Variants in PCDHB9 observed in about 807,000 individuals in gnomAD.
The protein encoded by PCDHB9 is protocadherin beta 9.
For missense variants in PCDHB9, 1,072 were observed against 995.1 expected (o/e 1.08, Z -1.04); for synonymous variants, 501 against 439.7 (o/e 1.14, Z -1.75).
At position 141,188,140 on chromosome 5, in the gene PCDHB9, T is replaced by C. The variant is rs782191288; in HGVS notation, c.822T>C (p.Asn274=). ...CAGGAGATGCAGACTCAGGAGTCAATGCAGAAGTATCCTATTCATTTTTTG... is the reference window on the plus strand; with the variant it reads ...CAGGAGATGCAGACTCAGGAGTCAACGCAGAAGTATCCTATTCATTTTTTG... ...VSAGDADSGV[N]AEVSYSFFDA... The change falls in exon 1 of 1, where the codon AAT becomes AAC. Residue 274 remains asparagine, a synonymous_variant. Coordinates refer to ENST00000316105, the MANE Select transcript of PCDHB9 (RefSeq NM_019119.5). The C allele has an allele frequency of 2.5e-5, 41 of 1,611,978 alleles. No individual in the cohort carries two copies. The highest frequency in any genetic ancestry group is 5.3e-5 in the African/African-American group (4 of 74,880).
chr5:141,189,734 C>T lies in PCDHB9; in HGVS notation c.*22C>T. ...TTGAAAGGAACCCACTTAATAAAGACATTTACTTCTTTAATATATTCTTGT... is the reference window on the plus strand; with the variant it reads ...TTGAAAGGAACCCACTTAATAAAGATATTTACTTCTTTAATATATTCTTGT... On this transcript the variant is annotated 3_prime_UTR_variant, in exon 1 of 1. Transcript: ENST00000316105. 6.6e-7 allele frequency: 1 copy of T among 1,525,134 alleles called. No individual in the cohort carries two copies. The highest frequency in any genetic ancestry group is 8.8e-7 in the Non-Finnish European group (1 of 1,130,722). The allele number at this position is 1,525,134 out of a possible 1,614,324, so 94.5% of individuals were successfully genotyped here.
rs782089095 is a variant in PCDHB9 at position 141,187,823 on chromosome 5, A to G, written c.505A>G (p.Asn169Asp). 2 of 1,614,188 alleles carry G rather than the reference A, an allele frequency of 1.2e-6. No homozygotes were observed. Among genetic ancestry groups the G allele is most frequent in the Non-Finnish European group, 1.7e-6 (2 of 1,180,040 alleles). The change falls in exon 1 of 1, where the codon AAC becomes GAC. Residue 169 changes from asparagine to aspartate, a missense_variant. Transcript: ENST00000316105. ...AGATGAAGGTCATAACAGTATCCAA[A>G]ACTACACGATCAGCTCCAACTCTTT... ...DPDEGHNSIQNYTISSNSFFH... is the reference protein window; with the variant it reads ...DPDEGHNSIQDYTISSNSFFH...
chr5:141,188,886 C>T lies in PCDHB9; in HGVS notation c.1568C>T (p.Ala523Val), dbSNP rs781958249. The change falls in exon 1 of 1, where the codon GCC becomes GTC. Residue 523 changes from alanine to valine, a missense_variant. By Grantham distance (64) the Ala-to-Val change is moderately conservative (BLOSUM62 0). Transcript: ENST00000316105. ...GCCCTCAGGTCGCTGGACTACGAGG[C>T]CCTGCAGGCTTTCGACTTCCGCGTG... ...LFALRSLDYE[A>V]LQAFDFRVGA... 3.1e-6 allele frequency: 5 copies of T among 1,612,608 alleles called. No homozygotes were observed. The highest frequency in any genetic ancestry group is 4.5e-5 in the East Asian group (2 of 44,876).
At position 141,188,680 on chromosome 5, in the gene PCDHB9, C is replaced by G. The variant is rs782815281; in HGVS notation, c.1362C>G (p.Thr454=). ...VNDNAPAFTQ[T]SYTLFVRENN... ...ACAACGCCCCCGCCTTCACCCAAAC[C>G]TCCTACACCCTGTTCGTCCGGGAGA... The change falls in exon 1 of 1, where the codon ACC becomes ACG. Residue 454 remains threonine, a synonymous_variant. Transcript: ENST00000316105. 10 of 1,613,982 alleles carry G rather than the reference C, an allele frequency of 6.2e-6. No individual in the cohort carries two copies. The East Asian group carries it at 1.8e-4, about 29-fold the overall frequency.
At position 141,190,239 on chromosome 5, in the gene PCDHB9, C is replaced by T. The variant is rs1467856765; in HGVS notation, c.*527C>T. 1.4e-5 allele frequency: 2 copies of T among 145,650 alleles called. No individual in the cohort carries two copies. The highest frequency in any genetic ancestry group is 5.2e-5 in the African/African-American group (2 of 38,202). 9.0% of individuals were successfully genotyped at this position (145,650 alleles called of 1,614,324 possible). On this transcript the variant is annotated 3_prime_UTR_variant, in exon 1 of 1. Coordinates refer to ENST00000316105, the MANE Select transcript of PCDHB9 (RefSeq NM_019119.5). The stretch of plus-strand genomic sequence containing the variant: ...TGTCGCCCAGGCTGGAGTGCAGTGG[C>T]GCGATCTCAGCTCACTGCAACCTCC...
rs376736236 is a variant in PCDHB9, at chr5:141,187,649, G to T, written c.331G>T (p.Asp111Tyr). Residue 111 changes from aspartate to tyrosine, a missense_variant, in exon 1 of 1, where the codon GAT (aspartate) becomes TAT (tyrosine). Transcript: ENST00000316105. ...TATGCTGTATTTCCAAATTTTAATG[G>T]ATGATCCCTTTCAGATTTACCGGGC... Reference protein sequence around the residue: ...PCMLYFQILMDDPFQIYRAEL... With the variant: ...PCMLYFQILMYDPFQIYRAEL... 6.2e-6 allele frequency: 10 copies of T among 1,613,984 alleles called. No homozygotes were observed. The highest frequency in any genetic ancestry group is 8.5e-6 in the Non-Finnish European group (10 of 1,179,980).
rs1334308831 is a variant in PCDHB9, at chr5:141,187,739, A to C, written c.421A>C (p.Lys141Gln). 1.2e-6 allele frequency: 2 copies of C among 1,614,086 alleles called. 1 individual carries two copies. The highest frequency in any genetic ancestry group is 1.7e-6 in the Non-Finnish European group (2 of 1,180,046). The change falls in exon 1 of 1, where the codon AAA becomes CAA. Residue 141 changes from lysine (K) to glutamine (Q), a missense_variant. Lys to Gln is a moderately conservative substitution (Grantham distance 53). Transcript: ENST00000316105. ...GTTTCGGCACAAAGAGATGGTCTTA[A>C]AAATATCAGAAAATACAGCTGAAGG... ...PVFRHKEMVLKISENTAEGTA... is the reference protein window; with the variant it reads ...PVFRHKEMVLQISENTAEGTA...
Position 141,191,312 on chromosome 5 carries a change from A to G in PCDHB9, c.*1600A>G, listed in dbSNP as rs1164452428. On this transcript the variant is annotated 3_prime_UTR_variant, in exon 1 of 1. Coordinates refer to ENST00000316105, the MANE Select transcript of PCDHB9 (RefSeq NM_019119.5). ...AAAGAACTTTGAATAAAATTCTATG[A>G]AAAAAGACACTAGAATGCTGTTCTT... 1 of 152,262 alleles carries G rather than the reference A, an allele frequency of 6.6e-6. No homozygotes were observed. The highest frequency in any genetic ancestry group is 1.5e-5 in the Non-Finnish European group (1 of 68,026). 9.4% of individuals were successfully genotyped at this position (152,262 alleles called of 1,614,324 possible).
rs1446724675 is a variant in PCDHB9, at chr5:141,188,514, A to G, written c.1196A>G (p.Asn399Ser). The G allele has an allele frequency of 1.2e-6, 2 of 1,614,024 alleles. No homozygotes were observed. The highest frequency in any genetic ancestry group is 1.7e-6 in the Non-Finnish European group (2 of 1,180,030). Residue 399 changes from asparagine (N) to serine (S), a missense_variant, in exon 1 of 1, where the codon AAT becomes AGT. By Grantham distance (46) the Asn-to-Ser change is conservative. Coordinates refer to ENST00000316105, the MANE Select transcript of PCDHB9 (RefSeq NM_019119.5). Reference sequence around the variant, plus strand: ...TTTTTTCTGAAACCGTCTGTTGACAATTTTTACATCCTAATGACTGAAGGT... The same window carrying G: ...TTTTTTCTGAAACCGTCTGTTGACAGTTTTTACATCCTAATGACTGAAGGT... ...LPFFLKPSVDNFYILMTEGAL... is the reference protein window; with the variant it reads ...LPFFLKPSVDSFYILMTEGAL...
Position 141,187,924 on chromosome 5 carries a change from G to C in PCDHB9, c.606G>C (p.Arg202=), listed in dbSNP as rs1242059693. 1 of 1,614,154 alleles carries C rather than the reference G, an allele frequency of 6.2e-7. No homozygotes were observed. Among genetic ancestry groups the C allele is most frequent in the Non-Finnish European group, 8.5e-7 (1 of 1,180,040 alleles). ...PELVLDKALD[R]EEQEELSLTL... is the part of the protein sequence containing the mutation. Reference sequence around the variant, plus strand: ...TAGTGTTGGACAAAGCACTGGATCGGGAGGAGCAGGAAGAGCTCAGCTTAA... The same window carrying C: ...TAGTGTTGGACAAAGCACTGGATCGCGAGGAGCAGGAAGAGCTCAGCTTAA... Residue 202 remains arginine, a synonymous_variant, in exon 1 of 1, where the codon CGG becomes CGC. Transcript: ENST00000316105.
Position 141,187,869 on chromosome 5 carries a change from G to A in PCDHB9, c.551G>A (p.Gly184Asp). The part of the protein sequence containing the change: ...SNSFFHIKIS[G>D]SDEGMIYPEL... Reference sequence around the variant, plus strand: ...TCTTTTTTCCATATTAAAATTAGTGGCAGTGATGAAGGCATGATATATCCA... The same window carrying A: ...TCTTTTTTCCATATTAAAATTAGTGACAGTGATGAAGGCATGATATATCCA... Residue 184 changes from glycine to aspartate, a missense_variant, in exon 1 of 1, where the codon GGC becomes GAC. Transcript: ENST00000316105. The A allele has an allele frequency of 1.9e-6, 3 of 1,614,060 alleles. No individual in the cohort carries two copies. Among genetic ancestry groups the A allele is most frequent in the East Asian group, 2.2e-5 (1 of 44,900 alleles).
chr5:141,191,310 T>C lies in PCDHB9; in HGVS notation c.*1598T>C, dbSNP rs1554283692. On this transcript the variant is annotated 3_prime_UTR_variant, in exon 1 of 1. Transcript: ENST00000316105. ...AAAAAGAACTTTGAATAAAATTCTA[T>C]GAAAAAAGACACTAGAATGCTGTTC... The C allele has an allele frequency of 6.6e-6, 1 of 152,084 alleles. No individual in the cohort carries two copies. The highest frequency in any genetic ancestry group is 1.5e-5 in the Non-Finnish European group (1 of 68,028). The allele number at this position is 152,084 out of a possible 1,614,324, so 9.4% of individuals were successfully genotyped here. A position where few individuals can be genotyped will look rare whatever the true frequency, so the allele number is the denominator to read the frequency against.
In PCDHB9 at chr5:141,188,862, C is replaced by T. The variant is rs1385267477; in HGVS notation, c.1544C>T (p.Ala515Val). Residue 515 changes from alanine to valine, a missense_variant, in exon 1 of 1, where the codon GCC becomes GTC. By Grantham distance (64) the Ala-to-Val change is moderately conservative. Coordinates refer to ENST00000316105, the MANE Select transcript of PCDHB9 (RefSeq NM_019119.5). Reference protein sequence around the residue: ...SINADNGHLFALRSLDYEALQ... With the variant: ...SINADNGHLFVLRSLDYEALQ... Reference sequence around the variant, plus strand: ...AACGCGGACAATGGCCACCTGTTTGCCCTCAGGTCGCTGGACTACGAGGCC... The same window carrying T: ...AACGCGGACAATGGCCACCTGTTTGTCCTCAGGTCGCTGGACTACGAGGCC... 1.2e-5 allele frequency: 20 copies of T among 1,612,722 alleles called. No homozygotes were observed. The highest frequency in any genetic ancestry group is 1.6e-5 in the Non-Finnish European group (19 of 1,179,958).
Position 141,191,212 on chromosome 5 carries a change from C to G in PCDHB9, c.*1500C>G, listed in dbSNP as rs1336855945. The G allele has an allele frequency of 6.6e-6, 1 of 152,028 alleles. No individual in the cohort carries two copies. Among genetic ancestry groups the G allele is most frequent in the African/African-American group, 2.4e-5 (1 of 41,356 alleles). The allele number at this position is 152,028 out of a possible 1,614,324, so 9.4% of individuals were successfully genotyped here. A position where few individuals can be genotyped will look rare whatever the true frequency, so the allele number is the denominator to read the frequency against. On this transcript the variant is annotated 3_prime_UTR_variant, in exon 1 of 1. Coordinates refer to ENST00000316105, the MANE Select transcript of PCDHB9 (RefSeq NM_019119.5). ...GAAGTTGCTTTGAGCCGAGATTGCA[C>G]CATTGTACTCCAGCCTGGGCAATAA...
Position 141,188,007 on chromosome 5 carries a change from T to C in PCDHB9, c.689T>C (p.Ile230Thr), listed in dbSNP as rs782496466. 14 of 1,613,936 alleles carry C rather than the reference T, an allele frequency of 8.7e-6. No individual in the cohort carries two copies. Among genetic ancestry groups the C allele is most frequent in the East Asian group, 2.2e-5 (1 of 44,886 alleles). The change falls in exon 1 of 1, where the codon ATT becomes ACT. Residue 230 changes from isoleucine to threonine, a missense_variant. By Grantham distance (89) the Ile-to-Thr change is moderately conservative. Transcript: ENST00000316105. ...AGGTCTGGGACCTCCACTATACGCA[T>C]TGTGGTCTTGGATGTCAATGACAAT... ...PSRSGTSTIR[I>T]VVLDVNDNVP...
At position 141,188,090 on chromosome 5, in the gene PCDHB9, G is replaced by A; in HGVS notation, c.772G>A (p.Gly258Arg). ...ETQAPENSPV[G>R]SLIVKVSAGD... ...CCAGGCTCCAGAAAACAGTCCAGTA[G>A]GGTCCCTTATTGTTAAAGTGTCTGC... The change falls in exon 1 of 1, where the codon GGG becomes AGG. Residue 258 changes from glycine to arginine, a missense_variant. By Grantham distance (125) the Gly-to-Arg change is moderately radical. Coordinates refer to ENST00000316105, the MANE Select transcript of PCDHB9 (RefSeq NM_019119.5). The A allele has an allele frequency of 6.2e-7, 1 of 1,613,788 alleles. No individual in the cohort carries two copies. Among genetic ancestry groups the A allele is most frequent in the Non-Finnish European group, 8.5e-7 (1 of 1,179,882 alleles).
At position 141,188,210 on chromosome 5, in the gene PCDHB9, T is replaced by C. The variant is rs532801370; in HGVS notation, c.892T>C (p.Ser298Pro). The C allele has an allele frequency of 1.2e-6, 2 of 1,612,296 alleles. No homozygotes were observed. The highest frequency in any genetic ancestry group is 1.7e-5 in the Admixed American group (1 of 59,666). The change falls in exon 1 of 1, where the codon TCT (serine) becomes CCT (proline). Residue 298 changes from serine to proline, a missense_variant. Transcript: ENST00000316105. ...ILTTFQINPF[S>P]GEIFLRELLD... ...AACAACGTTTCAAATCAATCCTTTT[T>C]CTGGGGAAATCTTTCTCAGAGAATT... is the stretch of plus-strand genomic sequence containing the variant.
chr5:141,189,679 T>C lies in PCDHB9; in HGVS notation c.2361T>C (p.Ser787=). The change falls in exon 1 of 1, where the codon TCT becomes TCC. Residue 787 remains serine, a synonymous_variant. Transcript: ENST00000316105. ...GTGGGAAAGAAATAGAGGAAAATTC[T>C]ACTCTCCCCAATAGCTTTGGATTTA... ...HRGGKEIEEN[S]TLPNSFGFNY 1 of 1,610,038 alleles carries C rather than the reference T, an allele frequency of 6.2e-7. No homozygotes were observed. Among genetic ancestry groups the C allele is most frequent in the Non-Finnish European group, 8.5e-7 (1 of 1,177,942 alleles).
At position 141,189,590 on chromosome 5, in the gene PCDHB9, G is replaced by A. The variant is rs1288946516; in HGVS notation, c.2272G>A (p.Gly758Ser). ...CCAGTACGAGGTGTGTCTGACTGGA[G>A]GTTCAGAGACCGGCGAGTTCAAGTT... ...SYQYEVCLTG[G>S]SETGEFKFLK... The change falls in exon 1 of 1, where the codon GGT becomes AGT. Residue 758 changes from glycine (G) to serine (S), a missense_variant. Coordinates refer to ENST00000316105, the MANE Select transcript of PCDHB9 (RefSeq NM_019119.5). 3.1e-6 allele frequency: 5 copies of A among 1,614,002 alleles called. No homozygotes were observed. The Admixed American group carries it at 5.0e-5, about 16-fold the overall frequency.
Sources: allele counts gnomAD v4.1 joint callset, GRCh38; gene constraint gnomAD v4.1.1; transcripts MANE v1.5; gene names NCBI Gene and HGNC (gene_info 2026-07-23, HGNC 2026-07-21).